The following IL1RAPL1 variants were observed in gnomAD, a reference collection of about 807,000 sequenced individuals.
The protein encoded by IL1RAPL1 is interleukin-1 receptor accessory protein-like 1.
Under a neutral mutation model 48.4 loss-of-function variants are expected in IL1RAPL1, and 3 were observed. The observed-to-expected ratio is 0.06, with a 90% CI of 0.03 to 0.16. The LOEUF (loss-of-function observed/expected upper bound fraction) is 0.16. Ranked by LOEUF, IL1RAPL1 falls within the 10% of genes least tolerant of loss-of-function variation. The pLI is 1.00. For missense variants in IL1RAPL1, 349 were observed against 530.6 expected (o/e 0.66, Z 3.36); for synonymous variants, 185 against 187.7 (o/e 0.99, Z 0.12).
chrX:29,085,494 T>G (rs1927933521), intron 2 of IL1RAPL1, among the ~76,000 whole-genome samples: 1 of 111,943 alleles, frequency 8.9e-6, no homozygotes, highest in Admixed American at 9.6e-5. Context: ...TATGCTATTA[T>G]TGGTCCCATT....
At chrX:29,316,340 C>T (rs1434634467) in intron 3 of IL1RAPL1, among the ~76,000 whole-genome samples, 3 of 111,808 alleles carry the variant, frequency 2.7e-5, no homozygotes, top group African/African-American at 6.5e-5. Flanking sequence ...AAGATGACCT[C>T]GAGGTCATCC....
At chrX:29,016,099 G>C (rs1488019353) in intron 2 of IL1RAPL1, among the ~76,000 whole-genome samples, 1 of 111,545 alleles carries the variant, frequency 9.0e-6, no homozygotes, top group African/African-American at 3.3e-5. Context: ...GCTCAGTTCT[G>C]TTGCTAGGAA....
intron 2 of IL1RAPL1, among the ~76,000 whole-genome samples, chrX:28,948,182 A>C (rs1360158875): frequency 9.0e-6 from 1 of 111,496 alleles, no homozygotes; most frequent in African/African-American, 3.3e-5. Context: ...AAAAAATGAA[A>C]AATTTGGTTA....
intron 3 of IL1RAPL1, among the ~76,000 whole-genome samples, chrX:29,291,298 A>T (rs962611526): frequency 8.9e-6 from 1 of 111,926 alleles, no homozygotes; most frequent in African/African-American, 3.2e-5. Flanking sequence ...GGGGCTGCGG[A>T]TAGGAGATAC....
At chrX:29,456,164 G>A (rs1237647018) in intron 5 of IL1RAPL1, among the ~76,000 whole-genome samples, 3 of 112,077 alleles carry the variant, frequency 2.7e-5, no homozygotes, top group African/African-American at 6.5e-5. Flanking sequence ...AACATCTTAC[G>A]ACATCTTCAA....
At chrX:29,901,621 G>A (rs1343217525) in intron 6 of IL1RAPL1, among the ~76,000 whole-genome samples, 1 of 111,143 alleles carries the variant, frequency 9.0e-6, no homozygotes, top group Non-Finnish European at 1.9e-5. Flanking sequence ...TGTTTCAACT[G>A]CTCATGATAC....
intron 5 of IL1RAPL1, among the ~76,000 whole-genome samples, chrX:29,425,380 A>G (rs765284286): frequency 6.3e-5 from 7 of 111,238 alleles, no homozygotes; most frequent in Non-Finnish European, 1.1e-4. Flanking sequence ...GAGCTAGTCA[A>G]GACAGAAGGG....
At chrX:28,625,352 G>A (rs908376421) in intron 1 of IL1RAPL1, among the ~76,000 whole-genome samples, 1 of 111,692 alleles carries the variant, frequency 9.0e-6, no homozygotes, top group African/African-American at 3.3e-5. Flanking sequence ...GGATTTAAGG[G>A]CCCACACAGA....
intron 3 of IL1RAPL1, among the ~76,000 whole-genome samples, chrX:29,374,754 C>A (rs1045429037): frequency 1.9e-4 from 21 of 109,340 alleles, no homozygotes; most frequent in African/African-American, 7.0e-4. Context: ...GTTCTGCAAG[C>A]TCAGTAATAG....
intron 6 of IL1RAPL1, among the ~76,000 whole-genome samples, chrX:29,814,474 G>A (rs1029192102): frequency 3.6e-5 from 4 of 111,361 alleles, no homozygotes; most frequent in African/African-American, 1.3e-4. Flanking sequence ...ATAGATTCTG[G>A]ATATTAGGCC....
intron 3 of IL1RAPL1, among the ~76,000 whole-genome samples, chrX:29,308,697 A>C (rs1057159727): frequency 3.9e-4 from 44 of 112,366 alleles, no homozygotes; most frequent in African/African-American, 1.3e-3. Flanking sequence ...GCAAAATTCT[A>C]ATTTCTTAAG....
At chrX:29,173,721 C>T (rs1929952410) in intron 2 of IL1RAPL1, among the ~76,000 whole-genome samples, 2 of 111,046 alleles carry the variant, frequency 1.8e-5, no homozygotes, top group Non-Finnish European at 3.8e-5. Flanking sequence ...AAGAGGAAAC[C>T]TAAAAGGTAA....
At position 29,799,249 on chromosome X, in the gene IL1RAPL1, T is replaced by G. The variant is rs909636992; in HGVS notation, c.779-118215T>G. Among the ~76,000 whole-genome samples the G allele has an allele frequency of 3.6e-5, 4 of 112,644 alleles. No individual in the cohort carries two copies. In the Admixed American group the frequency reaches 3.8e-4, roughly 11 times the overall value. ...TTTATAAAGTGTAAAAGCAGCTGTT[T>G]CGTTATACTTTTCTTGAATTGAATA... On this transcript the variant is annotated intron_variant, in intron 6 of 10. Transcript: ENST00000378993.
intron 1 of IL1RAPL1, among the ~76,000 whole-genome samples, chrX:28,607,115 T>C (rs1374620382): frequency 9.2e-6 from 1 of 109,174 alleles, no homozygotes; most frequent in Non-Finnish European, 1.9e-5. Flanking sequence ...ATCATCTAGT[T>C]GCTTAGTCTA....
rs902239343 is a variant in IL1RAPL1 at position 29,941,631 on chromosome X, T to C, written c.1058-20T>C. On this transcript the variant is annotated intron_variant, in intron 8 of 10. Transcript: ENST00000378993. Reference sequence around the variant, plus strand: ...GATGTGAATACCATATAATTCCCCATTGTGGTTTTTTCTTTCTAGAGCTAA... The same window carrying C: ...GATGTGAATACCATATAATTCCCCACTGTGGTTTTTTCTTTCTAGAGCTAA... 2 of 1,198,047 alleles carry C rather than the reference T, an allele frequency of 1.7e-6. No homozygotes were observed. Among genetic ancestry groups the C allele is most frequent in the African/African-American group, 3.5e-5 (2 of 56,998 alleles).
At chrX:29,110,547 G>A (rs1378084681) in intron 2 of IL1RAPL1, among the ~76,000 whole-genome samples, 5 of 111,591 alleles carry the variant, frequency 4.5e-5, no homozygotes, top group Non-Finnish European at 9.4e-5. Context: ...GTTTCGAGAC[G>A]TTTTCCTAGT....
At chrX:29,326,774 G>C (rs1866278584) in intron 3 of IL1RAPL1, among the ~76,000 whole-genome samples, 1 of 111,582 alleles carries the variant, frequency 9.0e-6, no homozygotes, top group South Asian at 3.8e-4. Context: ...TTGTCCAGTT[G>C]ACGATTCAAG....
At chrX:29,766,393 A>T (rs1280641893) in intron 6 of IL1RAPL1, among the ~76,000 whole-genome samples, 2 of 96,738 alleles carry the variant, frequency 2.1e-5, no homozygotes, top group Middle Eastern at 5.0e-3. Flanking sequence ...AGATATTTTT[A>T]TATATATATC....
At chrX:29,084,494 T>C (rs1227618606) in intron 2 of IL1RAPL1, among the ~76,000 whole-genome samples, 2 of 112,104 alleles carry the variant, frequency 1.8e-5, no homozygotes, top group East Asian at 5.6e-4. Flanking sequence ...TTGGACTGTC[T>C]TACTCAATGT....
Sources: allele counts gnomAD v4.1 joint callset (sites outside exome capture counted in the v4.1 genomes callset), GRCh38; gene constraint gnomAD v4.1.1; transcripts MANE v1.5; gene names NCBI Gene and HGNC (gene_info 2026-07-23, HGNC 2026-07-21).